Variants in CEP350 observed in about 807,000 individuals in gnomAD.
CEP350 encodes the protein centrosome-associated protein 350.
CEP350 carries 126 observed loss-of-function variants against 331.8 expected under a neutral mutation model. The ratio of observed to expected loss-of-function variants is 0.38; its 90% CI spans 0.33 to 0.44. The LOEUF (loss-of-function observed/expected upper bound fraction) is 0.44, where lower values mean the gene tolerates loss of function less well. Among genes scored for constraint, CEP350 ranks in the 20% least tolerant of loss-of-function variants. CEP350 has a pLI of 1.00. For missense variants in CEP350, 3,406 were observed against 3,634.6 expected, an observed-to-expected ratio of 0.94 and a Z score of 1.62; for synonymous variants, 1,200 against 1,259.5, an observed-to-expected ratio of 0.95 and a Z score of 1.00.
intron 13 of CEP350, among the ~76,000 whole-genome samples, chr1:180,023,932 G>C (rs985473982): frequency 6.6e-6 from 1 of 151,882 alleles, no homozygotes; most frequent in Admixed American, 6.6e-5. Context: ...AATTATATGA[G>C]AAAAAGCATA....
chr1:180,062,165 C>A, intron 25 of CEP350, 55 bp from the exon 26 acceptor site: 2 of 1,396,992 alleles, frequency 1.4e-6, no homozygotes, highest in East Asian at 2.6e-5. Flanking sequence ...TTAAATATTA[C>A]TTTGGCCTTG....
intron 17 of CEP350, among the ~76,000 whole-genome samples, chr1:180,037,957 G>T (rs887642089): frequency 3.3e-5 from 5 of 152,024 alleles, no homozygotes; most frequent in African/African-American, 4.8e-5. Context: ...CCCAGTTTTG[G>T]TGAGTTTTGA....
intron 25 of CEP350, among the ~76,000 whole-genome samples, chr1:180,056,165 T>A (rs1245112200): frequency 6.6e-6 from 1 of 152,168 alleles, no homozygotes; most frequent in Non-Finnish European, 1.5e-5. Context: ...ACCTTTATTT[T>A]TGAAGGATAT....
At chr1:179,987,489 A>G (rs990965098) in intron 3 of CEP350, among the ~76,000 whole-genome samples, 3 of 147,980 alleles carry the variant, frequency 2.0e-5, no homozygotes, top group African/African-American at 7.4e-5. Context: ...ATACTTATAT[A>G]CATAGTATAT....
intron 1 of CEP350, among the ~76,000 whole-genome samples, chr1:179,979,904 A>G (rs1652152384): frequency 6.6e-6 from 1 of 152,086 alleles, no homozygotes; most frequent in Admixed American, 6.6e-5. Flanking sequence ...GTCTGATTTT[A>G]TGGCAGTACT....
Position 180,045,207 on chromosome 1 carries a change from T to G in CEP350, c.4622+1034T>G, listed in dbSNP as rs564271022. On this transcript the variant is annotated intron_variant, in intron 21 of 37. Coordinates refer to ENST00000367607, the MANE Select transcript of CEP350 (RefSeq NM_014810.5). ...AAAAACAAAAATTAGCCATGCGTGG[T>G]GGCGTGTGCCCATAATCCCAGCTAC... Among the ~76,000 whole-genome samples the G allele has an allele frequency of 9.9e-5, 15 of 152,222 alleles. No homozygotes were observed. In the East Asian group the frequency reaches 2.5e-3, roughly 25 times the overall value.
At position 180,020,390 on chromosome 1, in the gene CEP350, T is replaced by G. The variant is rs748174474; in HGVS notation, c.2616T>G (p.Pro872=). The G allele has an allele frequency of 9.4e-5, 151 of 1,613,724 alleles. No homozygotes were observed. Among genetic ancestry groups the G allele is most frequent in the Non-Finnish European group, 1.2e-4 (145 of 1,179,910 alleles). The part of the protein sequence containing the change: ...DVQQAPQEDG[P]WTKAVTPPVK... The stretch of plus-strand genomic sequence containing the variant: ...AGCAGGCACCTCAAGAAGATGGACC[T>G]TGGACCAAGGCTGTAACTCCACCTG... The change falls in exon 12 of 38, where the codon CCT becomes CCG. Residue 872 remains proline (P), a synonymous_variant. Transcript: ENST00000367607.
intron 30 of CEP350, 119 bp from the exon 31 acceptor site, chr1:180,083,899 A>T: frequency 2.0e-6 from 1 of 501,620 alleles, no homozygotes; most frequent in Non-Finnish European, 3.4e-6. Context: ...CTCATATTTT[A>T]ATTATTAGAT....
chr1:180,095,166 C>T (rs1319245650), intron 34 of CEP350: 1 of 185,770 alleles, frequency 5.4e-6, no homozygotes, highest in Admixed American at 5.4e-5. Context: ...AAAGTAATGA[C>T]TTTGAGTAAC....
rs553879641 is a variant in CEP350 at position 180,096,227 on chromosome 1, T to C, written c.9066+43T>C. 5.3e-6 allele frequency: 8 copies of C among 1,517,290 alleles called. No homozygotes were observed. In the Admixed American group the frequency reaches 1.8e-4, roughly 35 times the overall value. The allele number at this position is 1,517,290 out of a possible 1,614,324, so 94.0% of individuals were successfully genotyped here. ...AAGTGTCTTCTTTTTTGACTTGCTG[T>C]TCATTTACACATATCTGTAAATGTT... is the stretch of plus-strand genomic sequence containing the variant. On this transcript the variant is annotated intron_variant, in intron 36 of 37. Transcript: ENST00000367607.
Position 179,954,818 on chromosome 1 carries a change from G to C in CEP350, c.-338G>C, listed in dbSNP as rs1650043773. ...CGCTCCTCCTCCGTGTCAGTTGTTG[G>C]GCTGTAATGGCGACTGGGCCGCCCC... On this transcript the variant is annotated 5_prime_UTR_variant, in exon 1 of 38. Coordinates refer to ENST00000367607, the MANE Select transcript of CEP350 (RefSeq NM_014810.5). 1 of 421,494 alleles carries C rather than the reference G, an allele frequency of 2.4e-6. No homozygotes were observed. The highest frequency in any genetic ancestry group is 4.2e-6 in the Non-Finnish European group (1 of 238,904). 26.1% of individuals were successfully genotyped at this position (421,494 alleles called of 1,614,324 possible).
rs188860400 is a variant in CEP350 at position 180,088,145 on chromosome 1, G to A, written c.6425+428G>A. On this transcript the variant is annotated intron_variant, in intron 32 of 37. Coordinates refer to ENST00000367607, the MANE Select transcript of CEP350 (RefSeq NM_014810.5). ...CATGAATATATTTATAATAACATTCGTTATATTCTTTATATTCATAAAACA... is the reference window on the plus strand; with the variant it reads ...CATGAATATATTTATAATAACATTCATTATATTCTTTATATTCATAAAACA... Among the ~76,000 whole-genome samples, 202 of 152,076 alleles carry A rather than the reference G, an allele frequency of 1.3e-3. 1 individual carries two copies. The highest frequency in any genetic ancestry group is 4.6e-3 in the African/African-American group (192 of 41,488).
chr1:180,045,132 A>G (rs1289412644), intron 21 of CEP350, among the ~76,000 whole-genome samples: 1 of 152,160 alleles, frequency 6.6e-6, no homozygotes, highest in Non-Finnish European at 1.5e-5. Flanking sequence ...ACCTGAGGTT[A>G]GGAGTTCAAG....
At chr1:180,096,619 G>A (rs1469000949) in intron 36 of CEP350, among the ~76,000 whole-genome samples, 1 of 152,106 alleles carries the variant, frequency 6.6e-6, no homozygotes, top group Non-Finnish European at 1.5e-5. Flanking sequence ...TGGACACATA[G>A]GTGTTAACTT....
chr1:179,962,396 TTTTG>T lies in CEP350; in HGVS notation c.-14+7270_-14+7273del, dbSNP rs370487245. On this transcript the variant is annotated intron_variant, in intron 1 of 37. Transcript: ENST00000367607. ...CATTTTCTTTATCTAATCTACTGTT[TTTTG>T]TTTGTTTGTTTGTTTTGTTTTGTTT... 5.9e-3 allele frequency among the ~76,000 whole-genome samples: 895 copies of T among 152,074 alleles called. 8 individuals are homozygous for T. Among genetic ancestry groups the T allele is most frequent in the African/African-American group, 0.021 (865 of 41,466 alleles).
intron 36 of CEP350, among the ~76,000 whole-genome samples, chr1:180,097,054 T>C (rs1054202595): frequency 2.0e-5 from 3 of 152,222 alleles, no homozygotes; most frequent in Admixed American, 6.5e-5. Context: ...CCCAAACTTA[T>C]TTGATCACAG....
rs924172313 is a variant in CEP350 at position 180,014,379 on chromosome 1, A to G, written c.1926A>G (p.Lys642=). The G allele has an allele frequency of 6.3e-7, 1 of 1,597,174 alleles. No homozygotes were observed. The highest frequency in any genetic ancestry group is 8.5e-7 in the Non-Finnish European group (1 of 1,171,486). ...LYRKQKEAFT[K]VKNVPPSEPS... ...GGAAGCAGAAGGAAGCCTTTACTAAAGTAAAAAATGTCCCTCCTTCTGAGC... is the reference window on the plus strand; with the variant it reads ...GGAAGCAGAAGGAAGCCTTTACTAAGGTAAAAAATGTCCCTCCTTCTGAGC... Residue 642 remains lysine (K), a synonymous_variant, in exon 10 of 38, where the codon AAA becomes AAG. Coordinates refer to ENST00000367607, the MANE Select transcript of CEP350 (RefSeq NM_014810.5).
rs1660290274 is a variant in CEP350 at position 180,093,074 on chromosome 1, T to G, written c.6969T>G (p.His2323Gln). Residue 2323 changes from histidine to glutamine, a missense_variant, in exon 34 of 38, where the codon CAT becomes CAG. Coordinates refer to ENST00000367607, the MANE Select transcript of CEP350 (RefSeq NM_014810.5). ...DLVGLAIENL[H>Q]KSEEMLKERQ... ...TTGGATTAGCTATTGAAAATCTCCA[T>G]AAAAGTGAGGAAATGTTGAAAGAGA... 6.2e-7 allele frequency: 1 copy of G among 1,605,474 alleles called. No homozygotes were observed. The highest frequency in any genetic ancestry group is 8.5e-7 in the Non-Finnish European group (1 of 1,175,300).
At chr1:180,091,650 G>A (rs1660204801) in intron 33 of CEP350, among the ~76,000 whole-genome samples, 1 of 152,056 alleles carries the variant, frequency 6.6e-6, no homozygotes, top group Admixed American at 6.6e-5. Flanking sequence ...GGGCAATATG[G>A]TGAAACTCCA....
Sources: allele counts gnomAD v4.1 joint callset (sites outside exome capture counted in the v4.1 genomes callset), GRCh38; gene constraint gnomAD v4.1.1; transcripts MANE v1.5; gene names NCBI Gene and HGNC (gene_info 2026-07-23, HGNC 2026-07-21).